The following RBFOX1 variants were observed in gnomAD, a reference collection of about 807,000 sequenced individuals.
The protein encoded by RBFOX1 is RNA binding protein fox-1 homolog 1.
Under a neutral mutation model 57.7 loss-of-function variants are expected in RBFOX1, and 8 were observed. The observed-to-expected ratio is 0.14, with a 90% CI of 0.08 to 0.25. The LOEUF (loss-of-function observed/expected upper bound fraction) is 0.25, where lower values mean the gene tolerates loss of function less well. Ranked by LOEUF, RBFOX1 falls within the 10% of genes least tolerant of loss-of-function variation. The pLI, the probability that RBFOX1 is intolerant of heterozygous loss-of-function variation, is 1.00. For missense variants in RBFOX1, 611 were observed against 548.5 expected (o/e 1.11, Z -1.14); for synonymous variants, 326 against 222.4 (o/e 1.47, Z -4.15).
At chr16:6,411,706 G>A (rs998285461) in intron 2 of RBFOX1, among the ~76,000 whole-genome samples, 1 of 152,172 alleles carries the variant, frequency 6.6e-6, no homozygotes, top group Non-Finnish European at 1.5e-5. Flanking sequence ...CCTACTGCAT[G>A]CTCTCAGCTT....
At chr16:5,732,132 T>C (rs2052396221) in intron 3 of RBFOX1, among the ~76,000 whole-genome samples, 1 of 152,260 alleles carries the variant, frequency 6.6e-6, no homozygotes, top group Non-Finnish European at 1.5e-5. Flanking sequence ...AATGGAATTC[T>C]ACAGATAATT....
intron 2 of RBFOX1, among the ~76,000 whole-genome samples, chr16:5,561,028 C>T (rs571766254): frequency 4.7e-4 from 72 of 152,266 alleles, no homozygotes; most frequent in Middle Eastern, 6.8e-3. Context: ...AAAGGAATTT[C>T]CTAAAGATTT....
intron 4 of RBFOX1, among the ~76,000 whole-genome samples, chr16:7,062,828 A>T (rs927282928): frequency 7.6e-6 from 1 of 132,192 alleles, no homozygotes; most frequent in Non-Finnish European, 1.6e-5. Flanking sequence ...TCCTGCCTTT[A>T]TGTTTAACCC....
intron 14 of RBFOX1, among the ~76,000 whole-genome samples, chr16:7,705,426 A>C (rs2082119436): frequency 6.6e-6 from 1 of 152,040 alleles, no homozygotes; most frequent in Admixed American, 6.6e-5. Context: ...AATGGCATGA[A>C]CTTGAGGGAC....
At chr16:6,567,458 C>G (rs1025302744) in intron 2 of RBFOX1, among the ~76,000 whole-genome samples, 1 of 152,214 alleles carries the variant, frequency 6.6e-6, no homozygotes, top group African/African-American at 2.4e-5. Flanking sequence ...TCTCAAATAT[C>G]TCTCATGAGA....
At chr16:7,515,793 G>A (rs183601490) in intron 4 of RBFOX1, among the ~76,000 whole-genome samples, 167 of 152,202 alleles carry the variant, frequency 1.1e-3, no homozygotes, top group African/African-American at 3.8e-3. Context: ...TTTTCCTCTA[G>A]GTTGGCCTCA....
At chr16:5,972,131 A>T in intron 4 of RBFOX1, among the ~76,000 whole-genome samples, 1 of 152,208 alleles carries the variant, frequency 6.6e-6, no homozygotes. Flanking sequence ...CTCATCCTGC[A>T]GATCTTGGAA....
intron 1 of RBFOX1, among the ~76,000 whole-genome samples, chr16:6,298,205 G>C (rs1599347564): frequency 6.6e-6 from 1 of 152,190 alleles, no homozygotes; most frequent in Non-Finnish European, 1.5e-5. Flanking sequence ...CAATTGAAGA[G>C]ATGAGCCACA....
At chr16:5,431,564 G>A (rs181890966) in intron 1 of RBFOX1, among the ~76,000 whole-genome samples, 99 of 152,092 alleles carry the variant, frequency 6.5e-4, no homozygotes, top group Admixed American at 4.5e-3. Flanking sequence ...TACTAGAGAC[G>A]GGGTTTCACC....
intron 3 of RBFOX1, among the ~76,000 whole-genome samples, chr16:5,770,068 C>G (rs749052353): frequency 1.6e-4 from 24 of 152,150 alleles, no homozygotes; most frequent in Non-Finnish European, 2.8e-4. Context: ...ATGAATGTGG[C>G]TCTAGCCAGA....
chr16:7,707,685 C>T (rs2082926131), intron 14 of RBFOX1, among the ~76,000 whole-genome samples: 1 of 152,126 alleles, frequency 6.6e-6, no homozygotes, highest in Non-Finnish European at 1.5e-5. Context: ...ACTCACTCCT[C>T]AGGAAAGCCC....
rs117057948 is a variant in RBFOX1, at chr16:6,094,209, G to A, written c.-127+74217G>A. On this transcript the variant is annotated intron_variant, in intron 1 of 15. Transcript: ENST00000550418. Reference sequence around the variant, plus strand: ...ATCCTCCCAAAATGTGCTTTCCATGGATGAGGAAGACCAGCCATTTCCCTT... The same window carrying A: ...ATCCTCCCAAAATGTGCTTTCCATGAATGAGGAAGACCAGCCATTTCCCTT... Among the ~76,000 whole-genome samples, 1,556 of 152,262 alleles carry A rather than the reference G, an allele frequency of 0.01. 90 individuals carry two copies. In the South Asian group the frequency reaches 0.13, roughly 12 times the overall value.
At chr16:6,634,133 C>A (rs1313807217) in intron 2 of RBFOX1, among the ~76,000 whole-genome samples, 1 of 152,012 alleles carries the variant, frequency 6.6e-6, no homozygotes, top group South Asian at 2.1e-4. Context: ...TTCTACTATA[C>A]CAGTTATTGT....
At chr16:7,614,563 G>C (rs1173094047) in intron 10 of RBFOX1, 1 of 152,184 alleles carries the variant, frequency 6.6e-6, no homozygotes, top group African/African-American at 2.4e-5. Context: ...TGTGTGGGAA[G>C]TCTGTCAAGA....
At chr16:6,580,534 A>C (rs1190683386) in intron 2 of RBFOX1, among the ~76,000 whole-genome samples, 1 of 152,212 alleles carries the variant, frequency 6.6e-6, no homozygotes, top group Admixed American at 6.5e-5. Context: ...TAAACATACA[A>C]ATAATGAAAA....
intron 1 of RBFOX1, among the ~76,000 whole-genome samples, chr16:6,294,407 C>T (rs1201498966): frequency 1.3e-5 from 2 of 152,132 alleles, no homozygotes; most frequent in South Asian, 2.1e-4. Context: ...GGTAACTTTG[C>T]GTAAATTGTT....
At chr16:6,687,059 A>G (rs17728982) in intron 3 of RBFOX1, among the ~76,000 whole-genome samples, 14,830 of 152,296 alleles carry the variant, frequency 0.097, 1,024 homozygotes, top group Non-Finnish European at 0.14. Context: ...TAAAAACAGG[A>G]ACAGCAGGTA....
At position 7,710,828 on chromosome 16, in the gene RBFOX1, A is replaced by G; in HGVS notation, c.*83A>G. On this transcript the variant is annotated 3_prime_UTR_variant, in exon 16 of 16. Coordinates refer to ENST00000550418, the MANE Select transcript of RBFOX1 (RefSeq NM_018723.4). ...AGTATTGCAATACATGCAGTAGTAC[A>G]TCATTTTAGCAACTCTAAAAAAAAA... 1 of 1,197,162 alleles carries G rather than the reference A, an allele frequency of 8.4e-7. No individual in the cohort carries two copies. The highest frequency in any genetic ancestry group is 2.9e-5 in the South Asian group (1 of 33,910). 74.2% of individuals were successfully genotyped at this position (1,197,162 alleles called of 1,614,324 possible).
At chr16:5,559,545 C>T (rs758976937) in intron 2 of RBFOX1, among the ~76,000 whole-genome samples, 1 of 152,146 alleles carries the variant, frequency 6.6e-6, no homozygotes, top group African/African-American at 2.4e-5. Context: ...GCCACATGGA[C>T]CAGGGGAGAT....
Sources: gnomAD v4.1 joint callset for allele counts (sites outside exome capture counted in the v4.1 genomes callset) on GRCh38, gnomAD v4.1.1 for gene constraint, MANE v1.5 for transcripts, NCBI Gene and HGNC (gene_info 2026-07-23, HGNC 2026-07-21) for gene names.